Variants in CD274 observed in about 807,000 individuals in gnomAD.
The protein encoded by CD274 is CD274 molecule.
Under a neutral mutation model 30.1 loss-of-function variants are expected in CD274, and 8 were observed. That is an observed-to-expected ratio of 0.27 (90% CI 0.16 to 0.48). CD274 has a LOEUF of 0.48. Ranked by LOEUF, CD274 falls within the 20% of genes least tolerant of loss-of-function variation. CD274 has a pLI of 0.99. For missense variants in CD274, 353 were observed against 346.6 expected (o/e 1.02, Z -0.15); for synonymous variants, 152 against 124.6 (o/e 1.22, Z -1.46).
At chr9:5,456,891 G>C (rs577055506) in intron 2 of CD274, among the ~76,000 whole-genome samples, 188 bp from the exon 3 acceptor site, 10 of 152,318 alleles carry the variant, frequency 6.6e-5, no homozygotes, top group African/African-American at 2.4e-4. Context: ...GGGACACTGT[G>C]TCTCAGCATG....
chr9:5,451,257 C>T (rs1819197567), intron 1 of CD274, among the ~76,000 whole-genome samples: 2 of 151,952 alleles, frequency 1.3e-5, no homozygotes, highest in Admixed American at 1.3e-4. Flanking sequence ...AAAAAATTTA[C>T]TGTGGATGCT....
In CD274 at chr9:5,467,918, G is replaced by A. The variant is rs545954644; in HGVS notation, c.*56G>A. On this transcript the variant is annotated 3_prime_UTR_variant, in exon 7 of 7. Coordinates refer to ENST00000381577, the MANE Select transcript of CD274 (RefSeq NM_014143.4). ...GGGATTCTCAACCTGTGGTTTAGGG[G>A]TTCATCGGGGCTGAGCGTGACAAGA... 1.4e-6 allele frequency: 2 copies of A among 1,466,664 alleles called. No individual in the cohort carries two copies. The highest frequency in any genetic ancestry group is 9.6e-7 in the Non-Finnish European group (1 of 1,045,624). 90.9% of individuals were successfully genotyped at this position (1,466,664 alleles called of 1,614,324 possible). A position where few individuals can be genotyped will look rare whatever the true frequency, so the allele number is the denominator to read the frequency against.
chr9:5,462,686 G>A (rs959645955), intron 3 of CD274, 148 bp from the exon 4 acceptor site: 6 of 632,572 alleles, frequency 9.5e-6, no homozygotes, highest in African/African-American at 3.7e-5. Flanking sequence ...GCTAGCAGGT[G>A]TTCCCCACGG....
chr9:5,459,044 C>T (rs1819357191), intron 3 of CD274, among the ~76,000 whole-genome samples: 1 of 151,992 alleles, frequency 6.6e-6, no homozygotes, highest in Non-Finnish European at 1.5e-5. Flanking sequence ...AGGGAAGGGA[C>T]AGCTGTCCTT....
intron 4 of CD274, among the ~76,000 whole-genome samples, chr9:5,465,086 C>CAAA (rs1263982025): frequency 5.9e-5 from 5 of 84,332 alleles, no homozygotes; most frequent in African/African-American, 2.6e-4. Flanking sequence ...GACTCTGCCT[C>CAAA]AAAAAAAAAA....
In CD274 at chr9:5,469,181, C is replaced by T. The variant is rs539361136; in HGVS notation, c.*1319C>T. 13 of 232,950 alleles carry T rather than the reference C, an allele frequency of 5.6e-5. No individual in the cohort carries two copies. The highest frequency in any genetic ancestry group is 3.0e-4 in the East Asian group (5 of 16,562). The allele number at this position is 232,950 out of a possible 1,614,324, so 14.4% of individuals were successfully genotyped here. ...CTTAAAATAACCCTGAAAAATAACA[C>T]TGGAATTCCTTTTCTAGCATTATAT... is the stretch of plus-strand genomic sequence containing the variant. On this transcript the variant is annotated 3_prime_UTR_variant, in exon 7 of 7. Coordinates refer to ENST00000381577, the MANE Select transcript of CD274 (RefSeq NM_014143.4).
chr9:5,461,141 G>A (rs1819396513), intron 3 of CD274, among the ~76,000 whole-genome samples: 1 of 152,102 alleles, frequency 6.6e-6, no homozygotes, highest in South Asian at 2.1e-4. Flanking sequence ...ATAATCTTGA[G>A]GTTTGTGTTT....
intron 3 of CD274, among the ~76,000 whole-genome samples, chr9:5,459,784 A>G (rs544130042): frequency 6.6e-6 from 1 of 152,302 alleles, no homozygotes; most frequent in South Asian, 2.1e-4. Context: ...TCAGACTTTC[A>G]GAACCTTCAA....
At chr9:5,456,459 T>C (rs903865756) in intron 2 of CD274, among the ~76,000 whole-genome samples, 3 of 152,246 alleles carry the variant, frequency 2.0e-5, no homozygotes, top group Non-Finnish European at 4.4e-5. Flanking sequence ...CCTGTATGTA[T>C]ACATTTATTT....
chr9:5,465,534 C>T lies in CD274; in HGVS notation c.718C>T (p.His240Tyr), dbSNP rs1265054970. The T allele has an allele frequency of 1.2e-6, 2 of 1,611,598 alleles. No homozygotes were observed. The highest frequency in any genetic ancestry group is 1.7e-6 in the Non-Finnish European group (2 of 1,177,746). ...GGCACATCCTCCAAATGAAAGGACTCACTTGGTAATTCTGGGAGCCATCTT... is the reference window on the plus strand; with the variant it reads ...GGCACATCCTCCAAATGAAAGGACTTACTTGGTAATTCTGGGAGCCATCTT... Reference protein sequence around the residue: ...PLAHPPNERTHLVILGAILLC... With the variant: ...PLAHPPNERTYLVILGAILLC... The change falls in exon 5 of 7, where the codon CAC (histidine) becomes TAC (tyrosine). Residue 240 changes from histidine to tyrosine, a missense_variant. By Grantham distance (83) the His-to-Tyr change is moderately conservative (BLOSUM62 2). Coordinates refer to ENST00000381577, the MANE Select transcript of CD274 (RefSeq NM_014143.4).
rs1819484636 is a variant in CD274, at chr9:5,465,578, A to G, written c.762A>G (p.Ala254=). 4 of 1,604,038 alleles carry G rather than the reference A, an allele frequency of 2.5e-6. No individual in the cohort carries two copies. The highest frequency in any genetic ancestry group is 2.2e-5 in the East Asian group (1 of 44,846). ...CCATCTTATTATGCCTTGGTGTAGC[A>G]CTGACATTCATCTTCCGTTTAAGAA... is the stretch of plus-strand genomic sequence containing the variant. The part of the protein sequence containing the change: ...LGAILLCLGV[A]LTFIFRLRKG... Residue 254 remains alanine (A), a synonymous_variant, in exon 5 of 7, where the codon GCA becomes GCG. Transcript: ENST00000381577.
Position 5,468,266 on chromosome 9 carries a change from A to C in CD274, c.*404A>C, listed in dbSNP as rs572112954. On this transcript the variant is annotated 3_prime_UTR_variant, in exon 7 of 7. Transcript: ENST00000381577. ...CTCAATGCCTCAATTTGTTTTCTGC[A>C]TGACTGAGAGTCTCAGTGTTGGAAC... The C allele has an allele frequency of 1.1e-5, 3 of 280,050 alleles. No individual in the cohort carries two copies. In the South Asian group the frequency reaches 3.3e-4, roughly 31 times the overall value. The allele number at this position is 280,050 out of a possible 1,614,324, so 17.3% of individuals were successfully genotyped here. A position where few individuals can be genotyped will look rare whatever the true frequency, so the allele number is the denominator to read the frequency against.
chr9:5,462,864 T>C lies in CD274; in HGVS notation c.425T>C (p.Leu142Ser), dbSNP rs1369526855. Reference protein sequence around the residue: ...APYNKINQRILVVDPVTSEHE... With the variant: ...APYNKINQRISVVDPVTSEHE... ...TACAACAAAATCAACCAAAGAATTT[T>C]GGTTGTGGATCCAGTCACCTCTGAA... Residue 142 changes from leucine to serine, a missense_variant, in exon 4 of 7, where the codon TTG (leucine) becomes TCG (serine). Physicochemically the swap from Leu to Ser is moderately radical, Grantham distance 145. Transcript: ENST00000381577. 5.0e-6 allele frequency: 8 copies of C among 1,613,784 alleles called. No homozygotes were observed. The East Asian group carries it at 1.6e-4, about 31-fold the overall frequency.
chr9:5,465,963 T>TA (rs1458324103), intron 5 of CD274: 1 of 164,420 alleles, frequency 6.1e-6, no homozygotes, highest in Non-Finnish European at 1.3e-5. Flanking sequence ...CCCTAAGTAA[T>TA]AAAAATAGTT....
At chr9:5,464,428 G>A (rs912514862) in intron 4 of CD274, among the ~76,000 whole-genome samples, 6 of 152,144 alleles carry the variant, frequency 3.9e-5, no homozygotes, top group African/African-American at 1.4e-4. Flanking sequence ...GCTGGCTGTT[G>A]TTGTGTCTTT....
intron 6 of CD274, among the ~76,000 whole-genome samples, chr9:5,467,509 G>A (rs1037026769): frequency 1.2e-4 from 19 of 152,130 alleles, no homozygotes; most frequent in African/African-American, 4.3e-4. Flanking sequence ...ACTTAACAAT[G>A]AGCCCAAGTT....
At chr9:5,452,252 G>C (rs1819220046) in intron 1 of CD274, among the ~76,000 whole-genome samples, 1 of 152,072 alleles carries the variant, frequency 6.6e-6, no homozygotes, top group Non-Finnish European at 1.5e-5. Context: ...CCTGACCTCA[G>C]GTGATCCGCC....
intron 3 of CD274, among the ~76,000 whole-genome samples, chr9:5,460,961 C>T: frequency 6.6e-6 from 1 of 152,028 alleles, no homozygotes; most frequent in East Asian, 1.9e-4. Context: ...TCTGGTTCAA[C>T]CTAATAGACA....
At chr9:5,467,470 C>G (rs964581949) in intron 6 of CD274, among the ~76,000 whole-genome samples, 4 of 152,168 alleles carry the variant, frequency 2.6e-5, no homozygotes, top group Non-Finnish European at 5.9e-5. Flanking sequence ...ATTAAGGTTT[C>G]TAATTTTTTT....
Sources: gnomAD v4.1 joint callset for allele counts (sites outside exome capture counted in the v4.1 genomes callset) on GRCh38, gnomAD v4.1.1 for gene constraint, MANE v1.5 for transcripts, NCBI Gene and HGNC (gene_info 2026-07-23, HGNC 2026-07-21) for gene names.